ZKSCAN2: variants seen among roughly 807,000 people sequenced by gnomAD.
The protein encoded by ZKSCAN2 is zinc finger with KRAB and SCAN domains 2, also known as zinc finger protein with KRAB and SCAN domains 2.
A neutral mutation model predicts 90.5 loss-of-function variants in ZKSCAN2; 38 were observed. That is an observed-to-expected ratio of 0.42 (90% CI 0.32 to 0.55). The LOEUF (loss-of-function observed/expected upper bound fraction) is 0.55, where lower values mean the gene tolerates loss of function less well. Among genes scored for constraint, ZKSCAN2 ranks in the 20% least tolerant of loss-of-function variants. The pLI, the probability that ZKSCAN2 is intolerant of heterozygous loss-of-function variation, is 0.11. For synonymous variants in ZKSCAN2, 429 were observed against 421.6 expected, an observed-to-expected ratio of 1.02 and a Z score of -0.22; for missense variants, 1,167 against 1,202.6, an observed-to-expected ratio of 0.97 and a Z score of 0.44.
chr16:25,248,444 C>A (rs1045156467), intron 4 of ZKSCAN2, among the ~76,000 whole-genome samples: 1 of 151,926 alleles, frequency 6.6e-6, no homozygotes, highest in African/African-American at 2.4e-5. Context: ...AATTCAATAG[C>A]AAAATAACAA....
rs1196666665 is a variant in ZKSCAN2 at position 25,244,049 on chromosome 16, A to G, written c.1717T>C (p.Cys573Arg). The change falls in exon 6 of 7, where the codon TGC becomes CGC. Residue 573 changes from cysteine to arginine, a missense_variant. Transcript: ENST00000328086. ...GCATCCATCTCCTTGTAGAACGCGC[A>G]GGACTCTAGCACGTGGCCATTTTTC... The part of the protein sequence containing the change: ...KVKNGHVLES[C>R]AFYKEMDALI... 1 of 1,614,076 alleles carries G rather than the reference A, an allele frequency of 6.2e-7. No homozygotes were observed. The highest frequency in any genetic ancestry group is 2.2e-5 in the East Asian group (1 of 44,898).
chr16:25,247,202 C>A lies in ZKSCAN2; in HGVS notation c.994G>T (p.Gly332Cys), dbSNP rs764621026. ...CCTGCTATCTTTTCATCTTCTAAAC[C>A]CCACTGCTGCTGCTCTCTCCATGTT... ...GKTWREQQQWGLEDEKIAGVH... is the reference protein window; with the variant it reads ...GKTWREQQQWCLEDEKIAGVH... The change falls in exon 5 of 7, where the codon GGT becomes TGT. Residue 332 changes from glycine to cysteine, a missense_variant. Transcript: ENST00000328086. 1 of 1,614,148 alleles carries A rather than the reference C, an allele frequency of 6.2e-7. No individual in the cohort carries two copies. Among genetic ancestry groups the A allele is most frequent in the Non-Finnish European group, 8.5e-7 (1 of 1,180,018 alleles).
At position 25,240,505 on chromosome 16, in the gene ZKSCAN2, G is replaced by A; in HGVS notation, c.2215C>T (p.Gln739Ter). 1.9e-6 allele frequency: 3 copies of A among 1,614,170 alleles called. No homozygotes were observed. The highest frequency in any genetic ancestry group is 2.5e-6 in the Non-Finnish European group (3 of 1,180,026). The change falls in exon 7 of 7, where the codon CAG (glutamine) becomes TAG (stop). Residue 739 changes from glutamine (Q) to a stop codon, truncating the protein, a stop_gained. Coordinates refer to ENST00000328086, the MANE Select transcript of ZKSCAN2 (RefSeq NM_001012981.5). LOFTEE classifies it high-confidence loss of function. The stretch of plus-strand genomic sequence containing the variant: ...GGTCTCTTCCCCACAAAAGGCCTCT[G>A]ATGCACAACGGCTTTCCCTAAATCT... ...PRDLGKAVVH[Q>*]RPFVGKRPYR...
At position 25,252,956 on chromosome 16, in the gene ZKSCAN2, G is replaced by A; in HGVS notation, c.668C>T (p.Ala223Val). 1 of 1,613,216 alleles carries A rather than the reference G, an allele frequency of 6.2e-7. No individual in the cohort carries two copies. The highest frequency in any genetic ancestry group is 8.5e-7 in the Non-Finnish European group (1 of 1,179,272). Reference sequence around the variant, plus strand: ...ACAATTACAATGTACCTGGGACCCAGCAGGAAGCCGTGTGGTTGTCACTTC... The same window carrying A: ...ACAATTACAATGTACCTGGGACCCAACAGGAAGCCGTGTGGTTGTCACTTC... ...DQEVTTTRLPAGSQEPVKDVH... is the reference protein window; with the variant it reads ...DQEVTTTRLPVGSQEPVKDVH... Residue 223 changes from alanine to valine, a missense_variant, in exon 3 of 7, where the codon GCT becomes GTT. Physicochemically the swap from Ala to Val is moderately conservative, Grantham distance 64. Transcript: ENST00000328086.
At chr16:25,255,066 A>T in intron 2 of ZKSCAN2, 140 bp downstream of exon 2, 1 of 820,196 alleles carries the variant, frequency 1.2e-6, no homozygotes, top group Non-Finnish European at 1.8e-6. Context: ...ACATGTTCCT[A>T]ATTCTTGAAG....
intron 4 of ZKSCAN2, among the ~76,000 whole-genome samples, chr16:25,250,212 G>C (rs1304433475): frequency 6.6e-6 from 1 of 152,068 alleles, no homozygotes; most frequent in African/African-American, 2.4e-5. Context: ...GGGAGGCTGA[G>C]GCAGGAGAAT....
chr16:25,257,497 T>A lies in ZKSCAN2; in HGVS notation c.-370A>T, dbSNP rs1437429587. On this transcript the variant is annotated 5_prime_UTR_variant, in exon 1 of 7. Transcript: ENST00000328086. The stretch of plus-strand genomic sequence containing the variant: ...CGGACAGCCGGGCCGGGAGGGGGTG[T>A]GTCCGCTACTCCCGGGTCGGGCGCG... 43 of 999,276 alleles carry A rather than the reference T, an allele frequency of 4.3e-5. No homozygotes were observed. Among genetic ancestry groups the A allele is most frequent in the Non-Finnish European group, 4.6e-5 (39 of 839,874 alleles). 61.9% of individuals were successfully genotyped at this position (999,276 alleles called of 1,614,324 possible).
At position 25,239,900 on chromosome 16, in the gene ZKSCAN2, TTC is replaced by T. The variant is rs1317237166; in HGVS notation, c.2818_2819del (p.Glu940LysfsTer13). On this transcript the variant is annotated frameshift_variant, in exon 7 of 7. Transcript: ENST00000328086. LOFTEE classifies it low-confidence loss of function (END_TRUNC). ...LTKHREVHVR[E>X]KPLPHPPSLY... ...GAGATGGAGGGTGTGGCAGAGGCTT[TTC>T]TCTCACATGAACTTCCCGATGTTTG... 2 of 1,614,028 alleles carry T rather than the reference TTC, an allele frequency of 1.2e-6. No homozygotes were observed. Among genetic ancestry groups the T allele is most frequent in the African/African-American group, 2.7e-5 (2 of 74,914 alleles).
chr16:25,251,808 C>T (rs1168321253), intron 4 of ZKSCAN2, 101 bp downstream of exon 4: 3 of 1,400,510 alleles, frequency 2.1e-6, no homozygotes, highest in South Asian at 1.4e-5. Context: ...CTTAGAGATC[C>T]TTTAAGTGTT....
At chr16:25,243,723 A>G in intron 6 of ZKSCAN2, 62 bp downstream of exon 6, 1 of 1,528,462 alleles carries the variant, frequency 6.5e-7, no homozygotes, top group Non-Finnish European at 8.8e-7. Context: ...AGATCTACTC[A>G]TTTTTCAGTA....
chr16:25,240,393 T>C lies in ZKSCAN2; in HGVS notation c.2327A>G (p.Lys776Arg). The change falls in exon 7 of 7, where the codon AAG becomes AGG. Residue 776 changes from lysine (K) to arginine (R), a missense_variant. Lys to Arg is a conservative substitution (Grantham distance 26). Transcript: ENST00000328086. ...RMTHHKENPYKCGVCGKCFGR... is the reference protein window; with the variant it reads ...RMTHHKENPYRCGVCGKCFGR... ...AAAGCACTTCCCACAGACACCACAC[T>C]TGTAAGGATTCTCCTTGTGGTGGGT... is the stretch of plus-strand genomic sequence containing the variant. The C allele has an allele frequency of 6.2e-7, 1 of 1,614,212 alleles. No individual in the cohort carries two copies. Among genetic ancestry groups the C allele is most frequent in the South Asian group, 1.1e-5 (1 of 91,086 alleles).
chr16:25,253,013 G>C lies in ZKSCAN2; in HGVS notation c.611C>G (p.Ala204Gly). ...KNARPSPWVPALADEWNTLDQ... is the reference protein window; with the variant it reads ...KNARPSPWVPGLADEWNTLDQ... ...TAGGGTATTCCATTCATCAGCAAGG[G>C]CAGGAACCCAGGGAGAAGGCCGAGC... The change falls in exon 3 of 7, where the codon GCC becomes GGC. Residue 204 changes from alanine (A) to glycine (G), a missense_variant. Ala to Gly is a moderately conservative substitution (Grantham distance 60). Coordinates refer to ENST00000328086, the MANE Select transcript of ZKSCAN2 (RefSeq NM_001012981.5). 1.2e-6 allele frequency: 2 copies of C among 1,614,020 alleles called. No individual in the cohort carries two copies. The highest frequency in any genetic ancestry group is 1.7e-6 in the Non-Finnish European group (2 of 1,179,930).
At chr16:25,256,641 A>C in intron 1 of ZKSCAN2, 88 bp downstream of exon 1, 1 of 1,419,698 alleles carries the variant, frequency 7.0e-7, no homozygotes, top group Non-Finnish European at 9.5e-7. Context: ...TTCTCTGAAG[A>C]GCACGTCTTT....
chr16:25,254,979 G>A (rs1963076320), intron 2 of ZKSCAN2, among the ~76,000 whole-genome samples: 1 of 148,146 alleles, frequency 6.8e-6, no homozygotes, highest in Non-Finnish European at 1.5e-5. Context: ...TTTTTTTTGC[G>A]ATTTTGTAGA....
At chr16:25,253,146 T>C in intron 2 of ZKSCAN2, 109 bp from the exon 3 acceptor site, 1 of 867,994 alleles carries the variant, frequency 1.2e-6, no homozygotes, top group Non-Finnish European at 1.9e-6. Context: ...AAATATAAAT[T>C]CACCATTTTA....
At chr16:25,240,874 T>C (rs11643529) in intron 6 of ZKSCAN2, 136 bp from the exon 7 acceptor site, 163,591 of 669,816 alleles carry the variant, frequency 0.24, 22,368 homozygotes, top group African/African-American at 0.45. Flanking sequence ...CCTGATTCAT[T>C]CTGCTATATT....
At position 25,257,252 on chromosome 16, in the gene ZKSCAN2, C is replaced by A; in HGVS notation, c.-125G>T. ...ACGGAGGTAAAAACGGCCAGGTCGG[C>A]AGGAACAGGGTATTCCAGGCTGATT... is the stretch of plus-strand genomic sequence containing the variant. On this transcript the variant is annotated 5_prime_UTR_variant, in exon 1 of 7. Coordinates refer to ENST00000328086, the MANE Select transcript of ZKSCAN2 (RefSeq NM_001012981.5). 1 of 1,493,048 alleles carries A rather than the reference C, an allele frequency of 6.7e-7. No homozygotes were observed. 92.5% of individuals were successfully genotyped at this position (1,493,048 alleles called of 1,614,324 possible).
rs1328636203 is a variant in ZKSCAN2 at position 25,240,665 on chromosome 16, T to C, written c.2055A>G (p.Ala685=). ...IVYKDMEQHR[A]LIEKSKRVVS... Reference sequence around the variant, plus strand: ...CAACTCTTTTAGACTTTTCTATTAATGCCCTATGCTGTTCCATGTCCTTAT... The same window carrying C: ...CAACTCTTTTAGACTTTTCTATTAACGCCCTATGCTGTTCCATGTCCTTAT... The change falls in exon 7 of 7, where the codon GCA becomes GCG. Residue 685 remains alanine, a synonymous_variant. Coordinates refer to ENST00000328086, the MANE Select transcript of ZKSCAN2 (RefSeq NM_001012981.5). The C allele has an allele frequency of 1.1e-5, 17 of 1,614,108 alleles. No homozygotes were observed. The highest frequency in any genetic ancestry group is 1.4e-5 in the Non-Finnish European group (16 of 1,180,026).
chr16:25,244,571 T>C (rs1962906419), intron 5 of ZKSCAN2, among the ~76,000 whole-genome samples: 1 of 152,214 alleles, frequency 6.6e-6, no homozygotes, highest in African/African-American at 2.4e-5. Flanking sequence ...TTTTTAAAAC[T>C]GAAATCGGTA....
Sources: allele counts gnomAD v4.1 joint callset (sites outside exome capture counted in the v4.1 genomes callset), GRCh38; gene constraint gnomAD v4.1.1; transcripts MANE v1.5; gene names NCBI Gene and HGNC (gene_info 2026-07-23, HGNC 2026-07-21).